GCHFR: variants seen among roughly 807,000 people sequenced by gnomAD.
GCHFR encodes GTP cyclohydrolase I feedback regulator.
GCHFR carries 12 observed loss-of-function variants against 10.6 expected under a neutral mutation model. The observed-to-expected ratio is 1.13, with a 90% confidence interval of 0.72 to 1.83. The LOEUF is 1.83. Ranked by LOEUF, GCHFR falls within the 40% of genes most tolerant of loss-of-function variation. The pLI is 0.00. For synonymous variants in GCHFR, 54 were observed against 43.7 expected (o/e 1.24, Z -0.93); for missense variants, 116 against 110.6 (o/e 1.05, Z -0.22).
intron 1 of GCHFR, 183 bp downstream of exon 1, chr15:40,764,399 G>C (rs1012833258): frequency 6.2e-5 from 30 of 485,560 alleles, no homozygotes; most frequent in Non-Finnish European, 9.2e-5. Context: ...CCGGGACTCA[G>C]CGAGCTCTGG....
chr15:40,764,454 G>T lies in GCHFR; in HGVS notation c.36+238G>T, dbSNP rs1159372421. 3 of 471,884 alleles carry T rather than the reference G, an allele frequency of 6.4e-6. No homozygotes were observed. In the East Asian group the frequency reaches 1.1e-4, roughly 17 times the overall value. 29.2% of individuals were successfully genotyped at this position (471,884 alleles called of 1,614,324 possible). A position where few individuals can be genotyped will look rare whatever the true frequency, so the allele number is the denominator to read the frequency against. On this transcript the variant is annotated intron_variant, in intron 1 of 2. Transcript: ENST00000260447. ...GCCGCGAAGGGGCCCGGGTACGTGC[G>T]TCCCGGCAACAGGGCGACCTCCGGG...
chr15:40,765,590 T>C (rs182571870), intron 1 of GCHFR: 2 of 338,608 alleles, frequency 5.9e-6, no homozygotes, highest in Non-Finnish European at 1.1e-5. Flanking sequence ...CTCGTGATAC[T>C]TTGCCTGGCT....
rs1215840819 is a variant in GCHFR, at chr15:40,765,853, T to C, written c.63T>C (p.Asp21=). The C allele has an allele frequency of 2.5e-6, 4 of 1,583,598 alleles. No individual in the cohort carries two copies. In the Admixed American group the frequency reaches 6.9e-5, roughly 27 times the overall value. Residue 21 remains aspartate, a synonymous_variant, in exon 2 of 3, where the codon GAT becomes GAC. Coordinates refer to ENST00000260447, the MANE Select transcript of GCHFR (RefSeq NM_005258.3). ...AGGTGGGCCCCACTATGGTGGGCGA[T>C]GAACAGTCGGATCCAGAGCTGATGC... ...RMEVGPTMVG[D]EQSDPELMQH... is the part of the protein sequence containing the mutation.
rs772903316 is a variant in GCHFR, at chr15:40,767,237, A to G, written c.143A>G (p.Tyr48Cys). The G allele has an allele frequency of 6.4e-7, 1 of 1,560,466 alleles. No individual in the cohort carries two copies. Among genetic ancestry groups the G allele is most frequent in the Admixed American group, 1.9e-5 (1 of 52,770 alleles). Reference protein sequence around the residue: ...RALGNNFYEYYVDDPPRIVLD... With the variant: ...RALGNNFYEYCVDDPPRIVLD... ...CTGTCTCTTTGCAGTTATGAATACT[A>G]CGTCGATGACCCTCCCCGCATAGTC... The change falls in exon 3 of 3, where the codon TAC (tyrosine) becomes TGC (cysteine). Residue 48 changes from tyrosine (Y) to cysteine (C), a missense_variant. Coordinates refer to ENST00000260447, the MANE Select transcript of GCHFR (RefSeq NM_005258.3).
Position 40,767,495 on chromosome 15 carries a change from G to A in GCHFR, c.*146G>A. 1.1e-6 allele frequency: 1 copy of A among 919,534 alleles called. No individual in the cohort carries two copies. Among genetic ancestry groups the A allele is most frequent in the Non-Finnish European group, 1.6e-6 (1 of 640,840 alleles). The allele number at this position is 919,534 out of a possible 1,614,324, so 57.0% of individuals were successfully genotyped here. On this transcript the variant is annotated 3_prime_UTR_variant, in exon 3 of 3. Transcript: ENST00000260447. ...GGCCCAGCCCCAAAGGGCAGTGAATGGCCTTCTCTGAAACCCTGCGTCAAG... is the reference window on the plus strand; with the variant it reads ...GGCCCAGCCCCAAAGGGCAGTGAATAGCCTTCTCTGAAACCCTGCGTCAAG...
intron 1 of GCHFR, 30 bp downstream of exon 1, chr15:40,764,246 C>A: frequency 6.5e-7 from 1 of 1,542,676 alleles, no homozygotes; most frequent in Non-Finnish European, 8.7e-7. Flanking sequence ...CGACTTGGAG[C>A]CGGGACCAGG....
chr15:40,764,288 TC>T, intron 1 of GCHFR, 72 bp downstream of exon 1: 2 of 1,394,716 alleles, frequency 1.4e-6, no homozygotes, highest in Non-Finnish European at 9.7e-7. Context: ...CCTTCATGCC[TC>T]CCTCCTGGGC....
chr15:40,765,145 C>A (rs1888920881), intron 1 of GCHFR: 1 of 152,160 alleles, frequency 6.6e-6, no homozygotes, highest in Non-Finnish European at 1.5e-5. Context: ...GAAATGGCCC[C>A]CCAAAGTGAT....
intron 1 of GCHFR, chr15:40,765,161 TTTCTTAA>T (rs1269320758): frequency 1.3e-4 from 20 of 152,364 alleles, no homozygotes; most frequent in African/African-American, 4.6e-4. Flanking sequence ...GTGATTCTTA[TTTCTTAA>T]AAGATATGGC....
intron 1 of GCHFR, chr15:40,764,580 A>G (rs1277720541): frequency 7.4e-6 from 2 of 269,638 alleles, no homozygotes; most frequent in East Asian, 6.4e-5. Flanking sequence ...CCGCAGGGGA[A>G]AAAAGGGCGA....
Position 40,765,880 on chromosome 15 carries a change from G to A in GCHFR, c.90G>A (p.Gln30=), listed in dbSNP as rs765050774. Residue 30 remains glutamine, a synonymous_variant, in exon 2 of 3, where the codon CAG becomes CAA. Coordinates refer to ENST00000260447, the MANE Select transcript of GCHFR (RefSeq NM_005258.3). ...AACAGTCGGATCCAGAGCTGATGCAGCATCTGGGGGCTTCAAAGAGAAGAG... is the reference window on the plus strand; with the variant it reads ...AACAGTCGGATCCAGAGCTGATGCAACATCTGGGGGCTTCAAAGAGAAGAG... ...GDEQSDPELM[Q]HLGASKRRAL... is the part of the protein sequence containing the mutation. 6.3e-7 allele frequency: 1 copy of A among 1,581,832 alleles called. No homozygotes were observed. The highest frequency in any genetic ancestry group is 8.6e-7 in the Non-Finnish European group (1 of 1,158,704).
chr15:40,764,583 A>T (rs1212515788), intron 1 of GCHFR: 3 of 261,058 alleles, frequency 1.1e-5, no homozygotes, highest in Non-Finnish European at 2.2e-5. Flanking sequence ...CAGGGGAAAA[A>T]AGGGCGAATA....
chr15:40,766,214 T>C, intron 2 of GCHFR: 1 of 242,104 alleles, frequency 4.1e-6, no homozygotes, highest in East Asian at 7.9e-5. Context: ...CCCTGCCCTC[T>C]CCTAAGCTGG....
chr15:40,767,193 C>T (rs776591301), intron 2 of GCHFR, 33 bp from the exon 3 acceptor site: 4 of 1,460,216 alleles, frequency 2.7e-6, no homozygotes, highest in Non-Finnish European at 3.6e-6. Context: ...GCTGTGTGCC[C>T]CTCCTCACCC....
chr15:40,764,284 T>C, intron 1 of GCHFR, 68 bp downstream of exon 1: 1 of 1,419,898 alleles, frequency 7.0e-7, no homozygotes, highest in Admixed American at 2.1e-5. Context: ...TGCACCTTCA[T>C]GCCTCCCTCC....
At position 40,767,472 on chromosome 15, in the gene GCHFR, C is replaced by A. The variant is rs1566817223; in HGVS notation, c.*123C>A. On this transcript the variant is annotated 3_prime_UTR_variant, in exon 3 of 3. Coordinates refer to ENST00000260447, the MANE Select transcript of GCHFR (RefSeq NM_005258.3). ...CTTCCCAAATCATCACCGCCATGGG[C>A]CCAGCCCCAAAGGGCAGTGAATGGC... 4 of 1,171,494 alleles carry A rather than the reference C, an allele frequency of 3.4e-6. No homozygotes were observed. In the East Asian group the frequency reaches 1.1e-4, roughly 33 times the overall value. 72.6% of individuals were successfully genotyped at this position (1,171,494 alleles called of 1,614,324 possible). A position where few individuals can be genotyped will look rare whatever the true frequency, so the allele number is the denominator to read the frequency against.
Position 40,767,409 on chromosome 15 carries a change from C to A in GCHFR, c.*60C>A. 6.6e-7 allele frequency: 1 copy of A among 1,503,976 alleles called. No individual in the cohort carries two copies. The highest frequency in any genetic ancestry group is 8.9e-7 in the Non-Finnish European group (1 of 1,121,692). 93.2% of individuals were successfully genotyped at this position (1,503,976 alleles called of 1,614,324 possible). A position where few individuals can be genotyped will look rare whatever the true frequency, so the allele number is the denominator to read the frequency against. ...GTGGAGGGGCTGCTGTGGGCCCTGA[C>A]CTCCAAGCTCCTGCCTCACCGTCTG... On this transcript the variant is annotated 3_prime_UTR_variant, in exon 3 of 3. Transcript: ENST00000260447.
At position 40,767,684 on chromosome 15, in the gene GCHFR, A is replaced by AGG. The variant is rs1053117249; in HGVS notation, c.*336_*337insGG. On this transcript the variant is annotated 3_prime_UTR_variant, in exon 3 of 3. Coordinates refer to ENST00000260447, the MANE Select transcript of GCHFR (RefSeq NM_005258.3). The stretch of plus-strand genomic sequence containing the variant: ...GCGTGGCTCCTGCATAGCTAGCCCA[A>AGG]GCCAATAAAGGGCTGTGATGAGTGG... 7.0e-5 allele frequency: 43 copies of AGG among 611,056 alleles called. No individual in the cohort carries two copies. The highest frequency in any genetic ancestry group is 1.1e-4 in the Non-Finnish European group (39 of 366,886). The allele number at this position is 611,056 out of a possible 1,614,324, so 37.9% of individuals were successfully genotyped here. A position where few individuals can be genotyped will look rare whatever the true frequency, so the allele number is the denominator to read the frequency against.
intron 1 of GCHFR, chr15:40,764,507 G>A: frequency 2.3e-6 from 1 of 432,922 alleles, no homozygotes; most frequent in South Asian, 3.9e-5. Context: ...CTACCTGTCG[G>A]CGGGAGAGAC....
Sources: gnomAD v4.1 joint callset for allele counts on GRCh38, gnomAD v4.1.1 for gene constraint, MANE v1.5 for transcripts, NCBI Gene and HGNC (gene_info 2026-07-23, HGNC 2026-07-21) for gene names.